The following ANTXR2 variants were observed in gnomAD, a reference collection of about 807,000 sequenced individuals.
ANTXR2 encodes the protein anthrax toxin receptor 2.
Under a neutral mutation model 73.7 loss-of-function variants are expected in ANTXR2, and 44 were observed. The ratio of observed to expected loss-of-function variants is 0.60; its 90% confidence interval spans 0.47 to 0.77. The LOEUF is 0.77. Among genes scored for constraint, ANTXR2 ranks in the 30% least tolerant of loss-of-function variants. The pLI is 0.00. For missense variants in ANTXR2, 604 were observed against 592.5 expected (o/e 1.02, Z -0.20); for synonymous variants, 217 against 205.9 (o/e 1.05, Z -0.46).
chr4:80,002,945 A>G (rs1162024739), intron 12 of ANTXR2, among the ~76,000 whole-genome samples: 1 of 132,088 alleles, frequency 7.6e-6, no homozygotes, highest in Non-Finnish European at 1.7e-5. Context: ...AAATAGGAAC[A>G]CTTTTACACT....
chr4:80,023,087 A>G (rs1414830020), intron 10 of ANTXR2, among the ~76,000 whole-genome samples: 1 of 152,188 alleles, frequency 6.6e-6, no homozygotes, highest in Non-Finnish European at 1.5e-5. Flanking sequence ...GCTAAGAAGA[A>G]ATGTATATAG....
At chr4:79,979,099 G>A (rs1729772169) in intron 14 of ANTXR2, among the ~76,000 whole-genome samples, 1 of 152,068 alleles carries the variant, frequency 6.6e-6, no homozygotes, top group Non-Finnish European at 1.5e-5. Flanking sequence ...GAAAATTCTT[G>A]ACATTGAAAA....
intron 7 of ANTXR2, among the ~76,000 whole-genome samples, chr4:80,050,969 AAT>A (rs1733745913): frequency 6.6e-6 from 1 of 151,656 alleles, no homozygotes; most frequent in Non-Finnish European, 1.5e-5. Context: ...GCTACCCGTC[AAT>A]GTTTATCCCC....
intron 16 of ANTXR2, among the ~76,000 whole-genome samples, chr4:79,955,525 G>T (rs1358099085): frequency 6.6e-6 from 1 of 152,070 alleles, no homozygotes; most frequent in Non-Finnish European, 1.5e-5. Flanking sequence ...CCACCTGCAT[G>T]AATTATTCTG....
At position 79,947,877 on chromosome 4, in the gene ANTXR2, C is replaced by T. The variant is rs140982961; in HGVS notation, c.1428+29744G>A. ...CATGTAAAAACAGATTTTGGCCCTA[C>T]CTTTTCATTACTGTTATAAAATTAT... On this transcript the variant is annotated intron_variant, in intron 16 of 16. Transcript: ENST00000403729. Among the ~76,000 whole-genome samples, 104 of 152,156 alleles carry T rather than the reference C, an allele frequency of 6.8e-4. 1 individual carries two copies. Among genetic ancestry groups the T allele is most frequent in the African/African-American group, 2.5e-3 (103 of 41,538 alleles).
intron 16 of ANTXR2, among the ~76,000 whole-genome samples, chr4:79,927,383 A>T (rs1727863340): frequency 6.6e-6 from 1 of 151,982 alleles, no homozygotes; most frequent in Admixed American, 6.6e-5. Flanking sequence ...TAATCATTTC[A>T]TTATGTACAG....
chr4:79,927,468 C>A (rs1222391671), intron 16 of ANTXR2, among the ~76,000 whole-genome samples: 1 of 152,072 alleles, frequency 6.6e-6, no homozygotes, highest in Non-Finnish European at 1.5e-5. Context: ...ATGCTCAAGT[C>A]CCTGATATAA....
chr4:79,922,687 C>T (rs548579770), intron 16 of ANTXR2, among the ~76,000 whole-genome samples: 1 of 151,998 alleles, frequency 6.6e-6, no homozygotes, highest in African/African-American at 2.4e-5. Context: ...TGAAGACATA[C>T]ATGTAATAAC....
chr4:79,936,367 T>C (rs1254941494), intron 16 of ANTXR2, among the ~76,000 whole-genome samples: 2 of 149,822 alleles, frequency 1.3e-5, no homozygotes, highest in Non-Finnish European at 2.9e-5. Context: ...TCAAAACCAT[T>C]ACTATTCTCC....
intron 16 of ANTXR2, among the ~76,000 whole-genome samples, chr4:79,955,378 A>AAT (rs1728850711): frequency 6.6e-6 from 1 of 152,176 alleles, no homozygotes; most frequent in Admixed American, 6.5e-5. Context: ...TACTATGCAG[A>AAT]ATATATGCCA....
intron 11 of ANTXR2, among the ~76,000 whole-genome samples, chr4:80,011,596 T>G (rs1159022286): frequency 6.6e-6 from 1 of 152,230 alleles, no homozygotes; most frequent in Admixed American, 6.5e-5. Context: ...CTAGTTTCGC[T>G]CGTGATATAG....
At chr4:79,948,284 T>TA (rs1728584448) in intron 16 of ANTXR2, among the ~76,000 whole-genome samples, 1 of 152,096 alleles carries the variant, frequency 6.6e-6, no homozygotes, top group Non-Finnish European at 1.5e-5. Flanking sequence ...AAAATGCTGT[T>TA]AAAAAGAGAC....
At chr4:80,002,601 A>G (rs1320445151) in intron 12 of ANTXR2, among the ~76,000 whole-genome samples, 1 of 152,102 alleles carries the variant, frequency 6.6e-6, no homozygotes, top group Non-Finnish European at 1.5e-5. Context: ...AGCAAAAGAA[A>G]CTACCATCAG....
intron 16 of ANTXR2, among the ~76,000 whole-genome samples, chr4:79,959,694 GA>G (rs1273794948): frequency 1.3e-5 from 2 of 152,196 alleles, no homozygotes; most frequent in Non-Finnish European, 2.9e-5. Context: ...ATGACTGAGA[GA>G]AAAGTTATAT....
chr4:80,070,851 C>T (rs1734753637), intron 2 of ANTXR2, among the ~76,000 whole-genome samples: 1 of 151,466 alleles, frequency 6.6e-6, no homozygotes, highest in Admixed American at 6.6e-5. Context: ...CTTGTGTTTG[C>T]TCATTGCATT....
At chr4:80,069,166 G>C (rs1005821601) in intron 3 of ANTXR2, among the ~76,000 whole-genome samples, 2 of 151,798 alleles carry the variant, frequency 1.3e-5, no homozygotes, top group Non-Finnish European at 2.9e-5. Flanking sequence ...GTAACAGAGA[G>C]GCCGGGGAAG....
chr4:80,036,757 C>T (rs1230368718), intron 7 of ANTXR2, among the ~76,000 whole-genome samples: 1 of 152,116 alleles, frequency 6.6e-6, no homozygotes. Flanking sequence ...CACTTCACTC[C>T]AGCCTGGACG....
Position 80,054,285 on chromosome 4 carries a change from C to A in ANTXR2, c.623G>T (p.Gly208Val). The stretch of plus-strand genomic sequence containing the variant: ...AGAAATACTCACAGAATTAATTATT[C>A]CTTTAAGAGCCTGAAATCCACCTTT... ...PVKGGFQALKGIINSILAQSC... is the reference protein window; with the variant it reads ...PVKGGFQALKVIINSILAQSC... The change falls in exon 7 of 17, where the codon GGA becomes GTA. Residue 208 changes from glycine (G) to valine (V), a missense_variant. Gly to Val is a moderately radical substitution (Grantham distance 109). Transcript: ENST00000403729. 1 of 1,597,032 alleles carries A rather than the reference C, an allele frequency of 6.3e-7. No homozygotes were observed.
At chr4:80,012,389 A>G (rs1051301748) in intron 11 of ANTXR2, among the ~76,000 whole-genome samples, 1 of 152,144 alleles carries the variant, frequency 6.6e-6, no homozygotes, top group African/African-American at 2.4e-5. Flanking sequence ...CAAAAGAAGA[A>G]TATGTTACAA....
Sources: gnomAD v4.1 joint callset for allele counts (sites outside exome capture counted in the v4.1 genomes callset) on GRCh38, gnomAD v4.1.1 for gene constraint, MANE v1.5 for transcripts, NCBI Gene and HGNC (gene_info 2026-07-23, HGNC 2026-07-21) for gene names.